Variants in ARHGAP22 observed in about 807,000 individuals in gnomAD.
ARHGAP22 encodes the protein rho GTPase-activating protein 22.
Under a neutral mutation model 59.1 loss-of-function variants are expected in ARHGAP22, and 48 were observed. That is an observed-to-expected ratio of 0.81 (90% CI 0.64 to 1.03). The LOEUF (loss-of-function observed/expected upper bound fraction) is 1.03. Among genes scored for constraint, ARHGAP22 ranks in the 50% least tolerant of loss-of-function variants. The pLI is 0.00. For missense variants in ARHGAP22, 1,015 were observed against 958.7 expected (o/e 1.06, Z -0.78); for synonymous variants, 445 against 416.4 (o/e 1.07, Z -0.84).
intron 8 of ARHGAP22, among the ~76,000 whole-genome samples, 175 bp downstream of exon 8, chr10:48,453,129 G>A (rs1323077376): frequency 2.0e-5 from 3 of 152,104 alleles, no homozygotes; most frequent in South Asian, 4.1e-4. Flanking sequence ...CATGGGGGTC[G>A]GGGGTGAGGT....
At chr10:48,587,009 G>T (rs914816043) in intron 1 of ARHGAP22, among the ~76,000 whole-genome samples, 6 of 152,262 alleles carry the variant, frequency 3.9e-5, no homozygotes, top group Admixed American at 3.3e-4. Flanking sequence ...ACCCTATCCC[G>T]CATCTGTGCT....
At chr10:48,461,826 C>T (rs1410937690) in intron 4 of ARHGAP22, among the ~76,000 whole-genome samples, 1 of 152,228 alleles carries the variant, frequency 6.6e-6, no homozygotes, top group East Asian at 1.9e-4. Context: ...GATGCCAAAG[C>T]TCCATGTCCA....
At chr10:48,601,826 CTA>C (rs1488355461) in intron 1 of ARHGAP22, among the ~76,000 whole-genome samples, 1 of 152,210 alleles carries the variant, frequency 6.6e-6, no homozygotes. Flanking sequence ...CTCAAACATT[CTA>C]TGAGTTGTCT....
At chr10:48,611,269 A>T (rs1291615311) in intron 1 of ARHGAP22, among the ~76,000 whole-genome samples, 1 of 152,180 alleles carries the variant, frequency 6.6e-6, no homozygotes, top group Non-Finnish European at 1.5e-5. Context: ...ACCAGGTGTG[A>T]CACCCTGGGC....
chr10:48,534,226 C>G (rs958223569), intron 3 of ARHGAP22, among the ~76,000 whole-genome samples: 2 of 152,206 alleles, frequency 1.3e-5, no homozygotes, highest in African/African-American at 2.4e-5. Context: ...CAAGGGGAAT[C>G]GTTGGGGAGA....
intron 1 of ARHGAP22, among the ~76,000 whole-genome samples, chr10:48,613,480 G>T (rs2060969376): frequency 6.6e-6 from 1 of 152,136 alleles, no homozygotes; most frequent in South Asian, 2.1e-4. Flanking sequence ...CAGATAGAAG[G>T]AAACTTAAGC....
At chr10:48,516,982 T>C (rs941552619) in intron 3 of ARHGAP22, among the ~76,000 whole-genome samples, 22 of 152,124 alleles carry the variant, frequency 1.4e-4, no homozygotes, top group Non-Finnish European at 1.5e-5. Context: ...TTATGCTAAG[T>C]GAAAGAAGTC....
rs911728421 is a variant in ARHGAP22 at position 48,451,636 on chromosome 10, A to C, written c.989-496T>G. The stretch of plus-strand genomic sequence containing the variant: ...TGTGGGGGCACACACATACAATTGC[A>C]CACACAATGCACCCCGCCCACCCCC... On this transcript the variant is annotated intron_variant, in intron 8 of 9. Coordinates refer to ENST00000249601, the MANE Select transcript of ARHGAP22 (RefSeq NM_021226.4). 19 of 681,460 alleles carry C rather than the reference A, an allele frequency of 2.8e-5. No homozygotes were observed. The African/African-American group carries it at 3.3e-4, about 12-fold the overall frequency. The allele number at this position is 681,460 out of a possible 1,614,324, so 42.2% of individuals were successfully genotyped here. A position where few individuals can be genotyped will look rare whatever the true frequency, so the allele number is the denominator to read the frequency against.
chr10:48,509,623 G>A (rs2052542788), intron 3 of ARHGAP22, among the ~76,000 whole-genome samples: 1 of 152,172 alleles, frequency 6.6e-6, no homozygotes, highest in Non-Finnish European at 1.5e-5. Flanking sequence ...CTCTTCCGGG[G>A]CTCCACAGCC....
intron 3 of ARHGAP22, among the ~76,000 whole-genome samples, chr10:48,483,076 T>C (rs771188996): frequency 1.7e-4 from 26 of 152,130 alleles, no homozygotes; most frequent in Non-Finnish European, 2.5e-4. Flanking sequence ...AATATGCTGG[T>C]TCCATTCATT....
chr10:48,649,095 C>A (rs1390056271), intron 1 of ARHGAP22, among the ~76,000 whole-genome samples: 1 of 152,182 alleles, frequency 6.6e-6, no homozygotes, highest in African/African-American at 2.4e-5. Context: ...CAGATCAGTC[C>A]TGTGCTTATA....
intron 3 of ARHGAP22, 112 bp downstream of exon 3, chr10:48,555,351 G>T: frequency 3.9e-6 from 4 of 1,030,460 alleles, no homozygotes; most frequent in South Asian, 1.4e-5. Flanking sequence ...CATGCCTGGA[G>T]ACTGTGCTGT....
At chr10:48,618,086 T>A (rs2061151715) in intron 1 of ARHGAP22, among the ~76,000 whole-genome samples, 1 of 151,888 alleles carries the variant, frequency 6.6e-6, no homozygotes, top group South Asian at 2.1e-4. Flanking sequence ...AATAAATAAA[T>A]TATTTTCAAA....
At chr10:48,651,756 G>A (rs2062575066) in intron 1 of ARHGAP22, among the ~76,000 whole-genome samples, 1 of 152,156 alleles carries the variant, frequency 6.6e-6, no homozygotes, top group Admixed American at 6.5e-5. Context: ...CAAACAGACA[G>A]TCACAGCCAT....
At chr10:48,470,401 G>T (rs894226461) in intron 4 of ARHGAP22, among the ~76,000 whole-genome samples, 8 of 152,226 alleles carry the variant, frequency 5.3e-5, no homozygotes, top group Admixed American at 3.3e-4. Flanking sequence ...CCATCAGCAG[G>T]GGTGGGGGAG....
intron 3 of ARHGAP22, among the ~76,000 whole-genome samples, chr10:48,528,715 T>C (rs1041650886): frequency 3.9e-5 from 6 of 152,154 alleles, no homozygotes; most frequent in Non-Finnish European, 7.4e-5. Flanking sequence ...TCTTTATGAA[T>C]GGCCTGGTGC....
intron 1 of ARHGAP22, among the ~76,000 whole-genome samples, chr10:48,583,527 C>A (rs11593803): frequency 6.6e-6 from 1 of 152,126 alleles, no homozygotes; most frequent in Non-Finnish European, 1.5e-5. Context: ...ATTTGTTCAA[C>A]GATTCATTTA....
At chr10:48,635,690 C>T (rs1418717356) in intron 1 of ARHGAP22, among the ~76,000 whole-genome samples, 1 of 152,248 alleles carries the variant, frequency 6.6e-6, no homozygotes, top group African/African-American at 2.4e-5. Context: ...CAGCAACCTT[C>T]ATTATGCCCC....
chr10:48,472,335 C>A (rs2048311668), intron 4 of ARHGAP22, among the ~76,000 whole-genome samples: 1 of 151,898 alleles, frequency 6.6e-6, no homozygotes, highest in Admixed American at 6.6e-5. Flanking sequence ...ACCAGCCTGG[C>A]CAACATGGTG....
Sources: allele counts gnomAD v4.1 joint callset (sites outside exome capture counted in the v4.1 genomes callset), GRCh38; gene constraint gnomAD v4.1.1; transcripts MANE v1.5; gene names NCBI Gene and HGNC (gene_info 2026-07-23, HGNC 2026-07-21).